SLC25A1: variants seen among roughly 807,000 people sequenced by gnomAD.
SLC25A1 encodes the protein solute carrier family 25 member 1.
SLC25A1 carries 26 observed loss-of-function variants against 38.1 expected under a neutral mutation model. The ratio of observed to expected loss-of-function variants is 0.68; its 90% CI spans 0.50 to 0.95. The LOEUF is 0.95. Ranked by LOEUF, SLC25A1 falls within the 40% of genes least tolerant of loss-of-function variation. The probability of loss-of-function intolerance (pLI) is 0.00; values close to 1 mark genes in which losing one functional copy is unlikely to be tolerated. For synonymous variants in SLC25A1, 211 were observed against 183.2 expected (o/e 1.15, Z -1.23); for missense variants, 378 against 426.6 (o/e 0.89, Z 1.00).
Position 19,175,738 on chromosome 22 carries a change from G to A in SLC25A1, c.*392C>T, listed in dbSNP as rs2083948262. The A allele has an allele frequency of 4.5e-6, 1 of 224,352 alleles. No individual in the cohort carries two copies. 13.9% of individuals were successfully genotyped at this position (224,352 alleles called of 1,614,324 possible). On this transcript the variant is annotated 3_prime_UTR_variant, in exon 9 of 9. Transcript: ENST00000215882. ...CTGGAATGCGGTGAAGCCAGGCCGAGGCCCGGAGGCAGCTGTGGTAGGCCA... is the reference window on the plus strand; with the variant it reads ...CTGGAATGCGGTGAAGCCAGGCCGAAGCCCGGAGGCAGCTGTGGTAGGCCA...
chr22:19,175,825 C>A lies in SLC25A1; in HGVS notation c.*305G>T. On this transcript the variant is annotated 3_prime_UTR_variant, in exon 9 of 9. Transcript: ENST00000215882. ...GGGCTACAGGGCCGAGGACCCAGGC[C>A]ACACGGGCACCCCGGGAGGCGGGGC... 1 of 139,684 alleles carries A rather than the reference C, an allele frequency of 7.2e-6. No homozygotes were observed. The highest frequency in any genetic ancestry group is 1.2e-5 in the Non-Finnish European group (1 of 84,928). The allele number at this position is 139,684 out of a possible 1,614,324, so 8.7% of individuals were successfully genotyped here. A position where few individuals can be genotyped will look rare whatever the true frequency, so the allele number is the denominator to read the frequency against.
intron 4 of SLC25A1, 124 bp from the exon 5 acceptor site, chr22:19,177,328 GC>G: frequency 1.3e-6 from 1 of 770,800 alleles, no homozygotes; most frequent in Non-Finnish European, 2.1e-6. Context: ...AAGCAGTGCA[GC>G]CAAGGCCGCC....
Position 19,178,450 on chromosome 22 carries a change from G to A in SLC25A1, c.94+130C>T, listed in dbSNP as rs1473412952. ...AGGCGGGCGAGTCCCAGCGCGCCGG[G>A]TGGGGACCAGGACCGCGCCTCCACG... On this transcript the variant is annotated intron_variant, in intron 1 of 8. Coordinates refer to ENST00000215882, the MANE Select transcript of SLC25A1 (RefSeq NM_005984.5). This position sits in a 1 kb window ranked among gnomAD's most constrained non-coding sequence, Gnocchi z 4.9. 2.9e-6 allele frequency: 4 copies of A among 1,371,702 alleles called. No individual in the cohort carries two copies. The African/African-American group carries it at 6.2e-5, about 21-fold the overall frequency. 85.0% of individuals were successfully genotyped at this position (1,371,702 alleles called of 1,614,324 possible).
Position 19,178,046 on chromosome 22 carries a change from G to A in SLC25A1, c.203-5C>T, listed in dbSNP as rs1555923200. 6.3e-7 allele frequency: 1 copy of A among 1,580,672 alleles called. No homozygotes were observed. Among genetic ancestry groups the A allele is most frequent in the Admixed American group, 1.8e-5 (1 of 54,470 alleles). On this transcript the variant is annotated splice_region_variant and splice_polypyrimidine_tract_variant and intron_variant, in intron 2 of 8. Coordinates refer to ENST00000215882, the MANE Select transcript of SLC25A1 (RefSeq NM_005984.5). This position sits in a 1 kb window ranked among gnomAD's most constrained non-coding sequence, Gnocchi z 4.9. Reference sequence around the variant, plus strand: ...CCGTCTGCCGCACGCAGTCCCCTGGGGGAGGGGGCGGTCAGGACCCCACGG... The same window carrying A: ...CCGTCTGCCGCACGCAGTCCCCTGGAGGAGGGGGCGGTCAGGACCCCACGG...
rs1555923008 is a variant in SLC25A1, at chr22:19,177,820, C to G, written c.348G>C (p.Gln116His). 1.9e-6 allele frequency: 3 copies of G among 1,610,722 alleles called. No individual in the cohort carries two copies. Among genetic ancestry groups the G allele is most frequent in the Admixed American group, 3.3e-5 (2 of 59,880 alleles). The stretch of plus-strand genomic sequence containing the variant: ...GCCCACGCGTGCTGTCCAGCCGTCC[C>G]TGGGCATCCCGCATGTGGTTGCTGA... ...EFLSNHMRDA[Q>H]GRLDSTRGLL... The change falls in exon 4 of 9, where the codon CAG (glutamine) becomes CAC (histidine). Residue 116 changes from glutamine (Q) to histidine (H), a missense_variant. By Grantham distance (24) the Gln-to-His change is conservative (BLOSUM62 0). Coordinates refer to ENST00000215882, the MANE Select transcript of SLC25A1 (RefSeq NM_005984.5).
chr22:19,177,074 C>T (rs1555922588), intron 5 of SLC25A1, 46 bp downstream of exon 5: 3 of 1,596,510 alleles, frequency 1.9e-6, no homozygotes, highest in Non-Finnish European at 2.6e-6. Context: ...CCCTTCCCAC[C>T]CTGGCCCAGG....
Position 19,178,359 on chromosome 22 carries a change from C to A in SLC25A1, c.95-119G>T. The A allele has an allele frequency of 6.7e-7, 1 of 1,481,768 alleles. No individual in the cohort carries two copies. The highest frequency in any genetic ancestry group is 8.9e-7 in the Non-Finnish European group (1 of 1,119,408). 91.8% of individuals were successfully genotyped at this position (1,481,768 alleles called of 1,614,324 possible). A position where few individuals can be genotyped will look rare whatever the true frequency, so the allele number is the denominator to read the frequency against. ...GCGCCAGTGCCGCGGGGAACATAGG[C>A]TGGGGCCCCACGCCCCCATGCCCTC... On this transcript the variant is annotated intron_variant, in intron 1 of 8. Transcript: ENST00000215882. This position sits in a 1 kb window ranked among gnomAD's most constrained non-coding sequence, Gnocchi z 4.9.
chr22:19,177,594 C>G, intron 4 of SLC25A1, 133 bp downstream of exon 4: 1 of 1,275,810 alleles, frequency 7.8e-7, no homozygotes, highest in South Asian at 1.4e-5. Context: ...GCCCCGCGGT[C>G]ACCCCGCCGG....
Position 19,177,908 on chromosome 22 carries a change from C to T in SLC25A1, c.302+34G>A, listed in dbSNP as rs782112811. 6.3e-6 allele frequency: 10 copies of T among 1,583,214 alleles called. No homozygotes were observed. The Admixed American group carries it at 1.7e-4, about 26-fold the overall frequency. On this transcript the variant is annotated intron_variant, in intron 3 of 8. Coordinates refer to ENST00000215882, the MANE Select transcript of SLC25A1 (RefSeq NM_005984.5). ...GTGAGAGGGGCTGCCGCGGCCGAGC[C>T]CCCCTCCCGCAGCAGCCACCGGCCG... is the stretch of plus-strand genomic sequence containing the variant.
chr22:19,178,094 T>C lies in SLC25A1; in HGVS notation c.202+39A>G. 6.5e-7 allele frequency: 1 copy of C among 1,533,766 alleles called. No homozygotes were observed. The highest frequency in any genetic ancestry group is 1.2e-5 in the South Asian group (1 of 82,568). On this transcript the variant is annotated intron_variant, in intron 2 of 8. Transcript: ENST00000215882. This position sits in a 1 kb window ranked among gnomAD's most constrained non-coding sequence, Gnocchi z 4.9. ...CGGCCCTCGGTGCCGCCGCCCTGGG[T>C]ACCCGCCCCCCGCGGCGCCGCGGCC...
Position 19,177,755 on chromosome 22 carries a change from A to C in SLC25A1, c.413T>G (p.Val138Gly). Residue 138 changes from valine (V) to glycine (G), a missense_variant, in exon 4 of 9, where the codon GTG (valine) becomes GGG (glycine). Coordinates refer to ENST00000215882, the MANE Select transcript of SLC25A1 (RefSeq NM_005984.5). ...GATGGTCTCCATGGGGCACACGACC[A>C]CCACGGCCTCGGCCACGCCAGCGCC... ...GLGAGVAEAVVVVCPMETIKV... is the reference protein window; with the variant it reads ...GLGAGVAEAVGVVCPMETIKV... 1 of 1,609,154 alleles carries C rather than the reference A, an allele frequency of 6.2e-7. No individual in the cohort carries two copies. The highest frequency in any genetic ancestry group is 8.5e-7 in the Non-Finnish European group (1 of 1,179,552).
chr22:19,176,543 G>A (rs782694849), intron 7 of SLC25A1, 35 bp downstream of exon 7: 2 of 1,611,082 alleles, frequency 1.2e-6, no homozygotes, highest in African/African-American at 2.7e-5. Context: ...CTCTGGCCTG[G>A]TCCCCCCTTC....
rs372666372 is a variant in SLC25A1, at chr22:19,176,503, G to T, written c.748-9C>A. On this transcript the variant is annotated splice_polypyrimidine_tract_variant and intron_variant, in intron 7 of 8. Coordinates refer to ENST00000215882, the MANE Select transcript of SLC25A1 (RefSeq NM_005984.5). The stretch of plus-strand genomic sequence containing the variant: ...TTGTGCGCCTCCAGGCCCTATGGGG[G>T]ACATCAGCAGGCAGGGGCTCAGCAG... The T allele has an allele frequency of 9.9e-5, 159 of 1,613,620 alleles. No homozygotes were observed. The highest frequency in any genetic ancestry group is 1.3e-4 in the Non-Finnish European group (150 of 1,179,928).
chr22:19,177,616 G>C (rs1042038037), intron 4 of SLC25A1, 111 bp downstream of exon 4: 46 of 1,471,966 alleles, frequency 3.1e-5, no homozygotes, highest in South Asian at 2.3e-4. Context: ...CTTCCCTGGC[G>C]TCCAGGAGAC....
Position 19,176,847 on chromosome 22 carries a change from T to A in SLC25A1, c.630A>T (p.Arg210=), listed in dbSNP as rs781802847. The A allele has an allele frequency of 4.3e-6, 7 of 1,613,476 alleles. No homozygotes were observed. The Admixed American group carries it at 1.0e-4, about 23-fold the overall frequency. ...FVMTSLRNWY[R]GDNPNKPMNP... ...TGGGGCCCTGTGATGCAGACACACC[T>A]CGGTACCAGTTGCGCAGGGAGGTCA... is the stretch of plus-strand genomic sequence containing the variant. The change falls in exon 6 of 9, where the codon CGA becomes CGT. Residue 210 remains arginine, a splice_region_variant and synonymous_variant. Transcript: ENST00000215882.
Position 19,176,234 on chromosome 22 carries a change from C to A in SLC25A1, c.832G>T (p.Gly278Cys). Residue 278 changes from glycine (G) to cysteine (C), a missense_variant, in exon 9 of 9, where the codon GGC becomes TGC. Gly to Cys is a radical substitution (Grantham distance 159). Transcript: ENST00000215882. ...ACCCGGCCCAGGCGGGGGACAGTGC[C>A]CTTGTAGAATCTGGGTGGGAGGAGG... ...KKEGLKAFYKGTVPRLGRVCL... is the reference protein window; with the variant it reads ...KKEGLKAFYKCTVPRLGRVCL... 6.2e-7 allele frequency: 1 copy of A among 1,612,926 alleles called. No homozygotes were observed. The highest frequency in any genetic ancestry group is 8.5e-7 in the Non-Finnish European group (1 of 1,179,904).
chr22:19,177,354 C>T, intron 4 of SLC25A1, 150 bp from the exon 5 acceptor site: 1 of 645,242 alleles, frequency 1.5e-6, no homozygotes, highest in Non-Finnish European at 2.7e-6. Context: ...GCTGCCCACA[C>T]GGACCATGCC....
chr22:19,176,995 C>T (rs1569129724), intron 5 of SLC25A1, 45 bp from the exon 6 acceptor site: 3 of 1,607,212 alleles, frequency 1.9e-6, no homozygotes, highest in East Asian at 2.2e-5. Flanking sequence ...CTCTCAGGCC[C>T]CGGTTGGGAA....
At chr22:19,177,615 C>T in intron 4 of SLC25A1, 112 bp downstream of exon 4, 1 of 1,453,712 alleles carries the variant, frequency 6.9e-7, no homozygotes, top group Non-Finnish European at 9.3e-7. Context: ...CCTTCCCTGG[C>T]GTCCAGGAGA....
Sources: allele counts gnomAD v4.1 joint callset, GRCh38; gene constraint gnomAD v4.1.1; non-coding constraint Gnocchi (gnomAD v3.1); transcripts MANE v1.5; gene names NCBI Gene and HGNC (gene_info 2026-07-23, HGNC 2026-07-21).